The following ASTN1 variants were observed in gnomAD, a reference collection of about 807,000 sequenced individuals.
ASTN1 encodes the protein astrotactin-1.
In ASTN1, 41 loss-of-function variants were observed where a neutral mutation model predicts 140.7. That is an observed-to-expected ratio of 0.29 (90% CI 0.23 to 0.38). The LOEUF is 0.38. Among genes scored for constraint, ASTN1 ranks in the 10% least tolerant of loss-of-function variants. The pLI is 1.00. For missense variants in ASTN1, 1,479 were observed against 1,678.8 expected (o/e 0.88, Z 2.08); for synonymous variants, 640 against 652.2 (o/e 0.98, Z 0.29).
intron 14 of ASTN1, among the ~76,000 whole-genome samples, chr1:176,939,716 C>A (rs927939298): frequency 6.6e-6 from 1 of 150,466 alleles, no homozygotes; most frequent in Non-Finnish European, 1.5e-5. Flanking sequence ...CAAGAAAAAA[C>A]ATTAATTTTT....
chr1:176,888,339 TG>T (rs1456996712), intron 17 of ASTN1, 135 bp from the exon 18 acceptor site: 3 of 1,048,774 alleles, frequency 2.9e-6, no homozygotes, highest in Admixed American at 2.3e-5. Context: ...ACTTTATCAT[TG>T]TCTCAAATTC....
intron 1 of ASTN1, among the ~76,000 whole-genome samples, chr1:177,085,060 G>A (rs1414071643): frequency 1.3e-5 from 2 of 152,096 alleles, no homozygotes; most frequent in East Asian, 1.9e-4. Context: ...GAAAGGAATG[G>A]AATAACAGAA....
At chr1:177,154,376 T>G (rs1023754139) in intron 1 of ASTN1, among the ~76,000 whole-genome samples, 2 of 152,196 alleles carry the variant, frequency 1.3e-5, no homozygotes, top group Non-Finnish European at 2.9e-5. Flanking sequence ...CTCATTAAAA[T>G]GTAAACATAA....
chr1:176,966,173 T>C (rs1056466940), intron 8 of ASTN1, among the ~76,000 whole-genome samples: 2 of 152,204 alleles, frequency 1.3e-5, no homozygotes, highest in Admixed American at 6.5e-5. Flanking sequence ...AATTTTACTG[T>C]AGACATTCCT....
intron 1 of ASTN1, among the ~76,000 whole-genome samples, chr1:177,119,475 C>A (rs1480856910): frequency 6.6e-6 from 1 of 150,982 alleles, no homozygotes; most frequent in Non-Finnish European, 1.5e-5. Flanking sequence ...CTGCAGGCTG[C>A]AAGTGGGTTG....
Position 176,884,388 on chromosome 1 carries a change from G to A in ASTN1, c.3177C>T (p.Leu1059=). ...TCCTGTCAGTGACTTTCTCTTGACG[G>A]AGGAGGTAATCTACAATCTGCACCC... ...PIGVQIVDYL[L]RQEKVTDRMD... Residue 1059 remains leucine, a synonymous_variant, in exon 19 of 23, where the codon CTC becomes CTT. Coordinates refer to ENST00000361833, the MANE Select transcript of ASTN1 (RefSeq NM_004319.3). 1 of 1,614,210 alleles carries A rather than the reference G, an allele frequency of 6.2e-7. No individual in the cohort carries two copies. The highest frequency in any genetic ancestry group is 8.5e-7 in the Non-Finnish European group (1 of 1,180,028).
chr1:177,157,312 G>A (rs1221442343), intron 1 of ASTN1, among the ~76,000 whole-genome samples: 1 of 151,966 alleles, frequency 6.6e-6, no homozygotes, highest in Admixed American at 6.6e-5. Flanking sequence ...TGTTGTTGTT[G>A]TTGTTGTTTG....
In ASTN1 at chr1:176,907,368, C is replaced by T. The variant is rs1010980548; in HGVS notation, c.2672-12538G>A. The stretch of plus-strand genomic sequence containing the variant: ...ACTCCTTAGGCATTTAATATCATTA[C>T]TGTTTGGTAAAAAGAAACAACTCCA... On this transcript the variant is annotated intron_variant, in intron 16 of 22. Coordinates refer to ENST00000361833, the MANE Select transcript of ASTN1 (RefSeq NM_004319.3). Among the ~76,000 whole-genome samples the T allele has an allele frequency of 2.0e-5, 3 of 152,300 alleles. No individual in the cohort carries two copies. The South Asian group carries it at 6.2e-4, about 32-fold the overall frequency.
intron 16 of ASTN1, among the ~76,000 whole-genome samples, chr1:176,922,743 A>AT (rs1670790683): frequency 5.3e-5 from 8 of 152,078 alleles, no homozygotes; most frequent in Admixed American, 5.2e-4. Flanking sequence ...TTAGTAGACG[A>AT]TTTGTGACTT....
chr1:177,086,835 G>C (rs1041251355), intron 1 of ASTN1, among the ~76,000 whole-genome samples: 4 of 152,120 alleles, frequency 2.6e-5, no homozygotes, highest in African/African-American at 9.7e-5. Flanking sequence ...TCAATAAATA[G>C]TTTGTAATGA....
chr1:176,921,350 C>T (rs1670715303), intron 16 of ASTN1, among the ~76,000 whole-genome samples: 1 of 152,094 alleles, frequency 6.6e-6, no homozygotes, highest in African/African-American at 2.4e-5. Flanking sequence ...GGCTAGTGGC[C>T]AAATGAACAA....
chr1:177,027,260 T>C (rs1676164453), intron 5 of ASTN1, among the ~76,000 whole-genome samples: 1 of 152,168 alleles, frequency 6.6e-6, no homozygotes, highest in Admixed American at 6.5e-5. Context: ...CTTGGTGTTC[T>C]AGCCCTTGGT....
chr1:176,972,894 T>C (rs1673201464), intron 8 of ASTN1, among the ~76,000 whole-genome samples: 2 of 152,156 alleles, frequency 1.3e-5, no homozygotes, highest in Non-Finnish European at 2.9e-5. Flanking sequence ...TGACCTTGGA[T>C]AAGTTCATTA....
chr1:176,912,731 G>A (rs948892367), intron 16 of ASTN1, among the ~76,000 whole-genome samples: 50 of 152,116 alleles, frequency 3.3e-4, no homozygotes, highest in African/African-American at 1.2e-3. Flanking sequence ...GGGGATGGTG[G>A]AATGAGTAGG....
intron 1 of ASTN1, among the ~76,000 whole-genome samples, chr1:177,121,171 A>G (rs761873170): frequency 5.9e-5 from 9 of 152,166 alleles, no homozygotes; most frequent in Non-Finnish European, 1.0e-4. Context: ...AGACTAAGAG[A>G]TAGGACACCA....
chr1:176,880,944 C>T (rs1357298783), intron 20 of ASTN1, among the ~76,000 whole-genome samples: 2 of 152,232 alleles, frequency 1.3e-5, no homozygotes, highest in Non-Finnish European at 2.9e-5. Context: ...ATGAAGGCCG[C>T]CCTCCTCCCA....
chr1:176,926,019 G>A (rs1366313923), intron 16 of ASTN1, among the ~76,000 whole-genome samples: 1 of 152,002 alleles, frequency 6.6e-6, no homozygotes, highest in Non-Finnish European at 1.5e-5. Flanking sequence ...GTGTTAGCCA[G>A]GATGGTCTCG....
At chr1:177,104,672 GC>G (rs1297729196) in intron 1 of ASTN1, among the ~76,000 whole-genome samples, 2 of 152,214 alleles carry the variant, frequency 1.3e-5, no homozygotes, top group Non-Finnish European at 1.5e-5. Context: ...TTAGACCCAA[GC>G]TTTTCCTTCC....
intron 9 of ASTN1, among the ~76,000 whole-genome samples, chr1:176,959,005 G>A (rs1300189267): frequency 2.6e-5 from 4 of 152,138 alleles, no homozygotes; most frequent in African/African-American, 7.2e-5. Context: ...GGAGAGAAGA[G>A]CAGATGAACA....
Sources: gnomAD v4.1 joint callset for allele counts (sites outside exome capture counted in the v4.1 genomes callset) on GRCh38, gnomAD v4.1.1 for gene constraint, MANE v1.5 for transcripts, NCBI Gene and HGNC (gene_info 2026-07-23, HGNC 2026-07-21) for gene names.